Variants in GAS7 observed in about 807,000 individuals in gnomAD.
GAS7 encodes growth arrest specific 7.
A neutral mutation model predicts 71.1 loss-of-function variants in GAS7; 28 were observed. The ratio of observed to expected loss-of-function variants is 0.39; its 90% CI spans 0.29 to 0.54. The LOEUF (loss-of-function observed/expected upper bound fraction) is 0.54. Among genes scored for constraint, GAS7 ranks in the 20% least tolerant of loss-of-function variants. The pLI is 0.62. For missense variants in GAS7, 436 were observed against 627.8 expected (o/e 0.69, Z 3.27); for synonymous variants, 258 against 245.8 (o/e 1.05, Z -0.46).
At position 9,913,562 on chromosome 17, in the gene GAS7, T is replaced by G. The variant is rs1221355487; in HGVS notation, c.*3666A>C. The G allele has an allele frequency of 4.3e-6, 1 of 231,232 alleles. No homozygotes were observed. Among genetic ancestry groups the G allele is most frequent in the Non-Finnish European group, 8.6e-6 (1 of 116,674 alleles). The allele number at this position is 231,232 out of a possible 1,614,324, so 14.3% of individuals were successfully genotyped here. On this transcript the variant is annotated 3_prime_UTR_variant, in exon 14 of 14. Coordinates refer to ENST00000432992, the MANE Select transcript of GAS7 (RefSeq NM_201433.2). ...CTGGTTGGTGAATTCGTTGGTACAC[T>G]GTTTCGGTGTGCCCAGCTGTTTATC... is the stretch of plus-strand genomic sequence containing the variant.
chr17:10,184,263 G>A (rs1027050133), intron 1 of GAS7, among the ~76,000 whole-genome samples: 13 of 152,118 alleles, frequency 8.5e-5, no homozygotes. Flanking sequence ...TCCTTAGCCA[G>A]GCTCCTGGCA....
chr17:9,984,633 T>C (rs1350891320), intron 2 of GAS7, among the ~76,000 whole-genome samples: 1 of 152,194 alleles, frequency 6.6e-6, no homozygotes, highest in Non-Finnish European at 1.5e-5. Flanking sequence ...AAGCCATTCA[T>C]ACGCTGAGTG....
rs1022084097 is a variant in GAS7, at chr17:9,918,176, C to T, written c.1219-77G>A. 31 of 964,128 alleles carry T rather than the reference C, an allele frequency of 3.2e-5. No individual in the cohort carries two copies. In the Middle Eastern group the frequency reaches 6.3e-4, roughly 20 times the overall value. The allele number at this position is 964,128 out of a possible 1,614,324, so 59.7% of individuals were successfully genotyped here. Reference sequence around the variant, plus strand: ...GGGTCCCCCCACCAAGACCACAAAACGCAAGTCACTGGCTGTGGACATTCT... The same window carrying T: ...GGGTCCCCCCACCAAGACCACAAAATGCAAGTCACTGGCTGTGGACATTCT... On this transcript the variant is annotated intron_variant, in intron 12 of 13. Coordinates refer to ENST00000432992, the MANE Select transcript of GAS7 (RefSeq NM_201433.2).
chr17:9,951,149 T>A (rs1012963069), intron 5 of GAS7, among the ~76,000 whole-genome samples: 3 of 152,264 alleles, frequency 2.0e-5, no homozygotes, highest in Non-Finnish European at 4.4e-5. Context: ...GTTTCAAAAG[T>A]GCACAGATTC....
chr17:10,025,874 C>T (rs536593189), intron 1 of GAS7, among the ~76,000 whole-genome samples: 3 of 152,312 alleles, frequency 2.0e-5, no homozygotes, highest in African/African-American at 7.2e-5. Context: ...AAACTGAGAT[C>T]ATAGAATTTT....
chr17:10,084,615 T>G (rs1372021424), intron 1 of GAS7, among the ~76,000 whole-genome samples: 1 of 152,138 alleles, frequency 6.6e-6, no homozygotes, highest in Non-Finnish European at 1.5e-5. Context: ...TACAGGCACC[T>G]GCCACCACAC....
intron 1 of GAS7, among the ~76,000 whole-genome samples, chr17:10,122,656 G>A (rs1354490925): frequency 2.0e-5 from 3 of 152,134 alleles, no homozygotes; most frequent in South Asian, 2.1e-4. Flanking sequence ...CATATGGCAA[G>A]TTATTTACCT....
intron 1 of GAS7, among the ~76,000 whole-genome samples, chr17:10,048,459 T>TA (rs1204667716): frequency 9.2e-5 from 14 of 152,344 alleles, no homozygotes; most frequent in African/African-American, 3.4e-4. Flanking sequence ...AAAAGCTCCA[T>TA]ACAGCAGGGA....
intron 1 of GAS7, among the ~76,000 whole-genome samples, chr17:10,041,623 C>A (rs2072871686): frequency 6.6e-6 from 1 of 152,206 alleles, no homozygotes; most frequent in Non-Finnish European, 1.5e-5. Context: ...CGAATACATT[C>A]TAAGGGTTTA....
chr17:9,938,867 T>C (rs2068496071), intron 8 of GAS7, among the ~76,000 whole-genome samples: 1 of 152,238 alleles, frequency 6.6e-6, no homozygotes, highest in East Asian at 1.9e-4. Flanking sequence ...AATGGAATCA[T>C]ACACTATGAG....
intron 1 of GAS7, among the ~76,000 whole-genome samples, chr17:10,188,630 G>T (rs1006659957): frequency 1.3e-5 from 2 of 151,608 alleles, no homozygotes; most frequent in Non-Finnish European, 2.9e-5. Flanking sequence ...ATATGGTTTT[G>T]TGTGTGTGTG....
At chr17:9,961,984 T>A (rs2069513868) in intron 4 of GAS7, among the ~76,000 whole-genome samples, 1 of 152,252 alleles carries the variant, frequency 6.6e-6, no homozygotes, top group Non-Finnish European at 1.5e-5. Flanking sequence ...TATAAATCTC[T>A]GTAGAATAAG....
chr17:10,052,127 A>G (rs2073070677), intron 1 of GAS7, among the ~76,000 whole-genome samples: 1 of 152,004 alleles, frequency 6.6e-6, no homozygotes, highest in South Asian at 2.1e-4. Flanking sequence ...TCCATTTACA[A>G]TCATAGAAAG....
intron 3 of GAS7, among the ~76,000 whole-genome samples, chr17:9,975,217 T>C (rs2070139583): frequency 1.3e-5 from 2 of 152,120 alleles, no homozygotes; most frequent in Admixed American, 6.5e-5. Flanking sequence ...TAGCCAGGGA[T>C]GGTGGCGCAC....
At chr17:9,948,227 T>G (rs759272967) in intron 5 of GAS7, among the ~76,000 whole-genome samples, 2 of 152,262 alleles carry the variant, frequency 1.3e-5, no homozygotes, top group Non-Finnish European at 2.9e-5. Context: ...AAGGGTCACC[T>G]GTATAATACA....
intron 1 of GAS7, among the ~76,000 whole-genome samples, chr17:10,162,108 G>A (rs894701987): frequency 2.2e-4 from 33 of 151,086 alleles, no homozygotes; most frequent in Non-Finnish European, 3.8e-4. Flanking sequence ...CAGAATGCTG[G>A]CAGAACCCTT....
chr17:10,192,944 C>G (rs1232848090), intron 1 of GAS7, among the ~76,000 whole-genome samples: 1 of 152,112 alleles, frequency 6.6e-6, no homozygotes, highest in Non-Finnish European at 1.5e-5. Context: ...CTTTTGTGAA[C>G]AGAGTTGATG....
At chr17:10,070,211 T>G (rs913406316) in intron 1 of GAS7, among the ~76,000 whole-genome samples, 5 of 152,056 alleles carry the variant, frequency 3.3e-5, no homozygotes, top group African/African-American at 1.2e-4. Flanking sequence ...TTGTTCCATC[T>G]CCTTCCTCTC....
intron 1 of GAS7, among the ~76,000 whole-genome samples, chr17:10,193,018 C>T (rs777332068): frequency 6.6e-6 from 1 of 152,022 alleles, no homozygotes; most frequent in Non-Finnish European, 1.5e-5. Context: ...TTTCATGTTG[C>T]AGAAAGAAAG....
Sources: allele counts gnomAD v4.1 joint callset (sites outside exome capture counted in the v4.1 genomes callset), GRCh38; gene constraint gnomAD v4.1.1; transcripts MANE v1.5; gene names NCBI Gene and HGNC (gene_info 2026-07-23, HGNC 2026-07-21).